The following CFAP54 variants were observed in gnomAD, a reference collection of about 807,000 sequenced individuals.
The protein encoded by CFAP54 is cilia and flagella associated protein 54.
A neutral mutation model predicts 370.4 loss-of-function variants in CFAP54; 290 were observed. The observed-to-expected ratio is 0.78, with a 90% CI of 0.71 to 0.86. CFAP54 has a LOEUF of 0.86. Ranked by LOEUF, CFAP54 falls within the 40% of genes least tolerant of loss-of-function variation. The pLI, the probability that CFAP54 is intolerant of heterozygous loss-of-function variation, is 0.00. For missense variants in CFAP54, 3,399 were observed against 3,528.7 expected (o/e 0.96, Z 0.93); for synonymous variants, 1,206 against 1,236.5 (o/e 0.98, Z 0.52).
At chr12:96,526,047 T>G (rs1955377132) in intron 8 of CFAP54, among the ~76,000 whole-genome samples, 1 of 152,124 alleles carries the variant, frequency 6.6e-6, no homozygotes, top group Non-Finnish European at 1.5e-5. Context: ...AGCTTATGAG[T>G]AGGGAAGCTA....
intron 12 of CFAP54, among the ~76,000 whole-genome samples, chr12:96,537,044 C>G (rs1379996176): frequency 6.6e-6 from 1 of 151,912 alleles, no homozygotes; most frequent in African/African-American, 2.4e-5. Context: ...TGTCGTATTC[C>G]CAAACATTGC....
chr12:96,765,574 T>TC (rs1381579182), intron 60 of CFAP54, among the ~76,000 whole-genome samples: 3 of 152,226 alleles, frequency 2.0e-5, no homozygotes, highest in Non-Finnish European at 4.4e-5. Context: ...CTGATATGCC[T>TC]CCCTCTTCTT....
intron 66 of CFAP54, among the ~76,000 whole-genome samples, chr12:96,852,754 C>A (rs543292656): frequency 6.6e-6 from 1 of 152,044 alleles, no homozygotes; most frequent in African/African-American, 2.4e-5. Flanking sequence ...CAACAAAGGA[C>A]CTGTTTCTAG....
At chr12:96,710,984 A>T (rs909550408) in intron 48 of CFAP54, among the ~76,000 whole-genome samples, 1 of 152,184 alleles carries the variant, frequency 6.6e-6, no homozygotes, top group Admixed American at 6.5e-5. Context: ...TGAAGAATTG[A>T]TATTAACTCT....
At position 96,616,572 on chromosome 12, in the gene CFAP54, C is replaced by T. The variant is rs1241652538; in HGVS notation, c.3640-5018C>T. ...CATGATGATTAAAACATTTTTATGA[C>T]AAGACACTGTAAGGAGAGCTCAAAG... On this transcript the variant is annotated intron_variant, in intron 26 of 67. Transcript: ENST00000524981. Among the ~76,000 whole-genome samples the T allele has an allele frequency of 4.6e-5, 7 of 152,038 alleles. No homozygotes were observed. The East Asian group carries it at 1.4e-3, about 29-fold the overall frequency.
At position 96,498,523 on chromosome 12, in the gene CFAP54, C is replaced by T. The variant is rs140991074; in HGVS notation, c.318-2311C>T. On this transcript the variant is annotated intron_variant, in intron 1 of 67. Coordinates refer to ENST00000524981, the MANE Select transcript of CFAP54 (RefSeq NM_001306084.2). Reference sequence around the variant, plus strand: ...CAAAAATTAGCTGGGCGTGGTGGTGCGTGCCTGTAGTCCCAGCTACTCGGG... The same window carrying T: ...CAAAAATTAGCTGGGCGTGGTGGTGTGTGCCTGTAGTCCCAGCTACTCGGG... Among the ~76,000 whole-genome samples, 43 of 152,112 alleles carry T rather than the reference C, an allele frequency of 2.8e-4. No individual in the cohort carries two copies. The East Asian group carries it at 8.3e-3, about 29-fold the overall frequency.
intron 65 of CFAP54, among the ~76,000 whole-genome samples, chr12:96,827,061 A>T (rs1398619854): frequency 1.4e-4 from 19 of 137,968 alleles, no homozygotes; most frequent in African/African-American, 2.4e-4. Flanking sequence ...ATGTGATTAT[A>T]TATAATATGC....
Position 96,829,573 on chromosome 12 carries a change from C to G in CFAP54, c.9171+485C>G, listed in dbSNP as rs116635812. On this transcript the variant is annotated intron_variant, in intron 66 of 67. Coordinates refer to ENST00000524981, the MANE Select transcript of CFAP54 (RefSeq NM_001306084.2). ...GTTGTGTCAGGTGCCATTTACATAG[C>G]TAGATCTTTATTGATGGGTTCTGCA... Among the ~76,000 whole-genome samples the G allele has an allele frequency of 4.6e-3, 700 of 152,086 alleles. 4 individuals are homozygous for G. The highest frequency in any genetic ancestry group is 0.016 in the African/African-American group (670 of 41,498).
At position 96,743,439 on chromosome 12, in the gene CFAP54, A is replaced by G; in HGVS notation, c.7257A>G (p.Glu2419=). 1 of 1,614,050 alleles carries G rather than the reference A, an allele frequency of 6.2e-7. No individual in the cohort carries two copies. Among genetic ancestry groups the G allele is most frequent in the Non-Finnish European group, 8.5e-7 (1 of 1,179,936 alleles). The change falls in exon 53 of 68, where the codon GAA becomes GAG. Residue 2419 remains glutamate, a synonymous_variant. Coordinates refer to ENST00000524981, the MANE Select transcript of CFAP54 (RefSeq NM_001306084.2). ...CAGATTGCCTGAGCCTCATCAATGA[A>G]GTGTGTATGGAGGCAAAAAGCGCAG... The part of the protein sequence containing the change: ...DMTDCLSLIN[E]VCMEAKSAGD...
intron 58 of CFAP54, 30 bp downstream of exon 58, chr12:96,757,618 G>A (rs773643531): frequency 2.2e-6 from 3 of 1,344,616 alleles, no homozygotes; most frequent in Non-Finnish European, 3.1e-6. Flanking sequence ...GAAATTATGA[G>A]TTAATTGCCT....
Position 96,576,741 on chromosome 12 carries a change from C to G in CFAP54, c.2776C>G (p.Pro926Ala). ...TTGTTCTGTGACACTCAAACCTGCT[C>G]CATTTACTTCAGAGGTTAAGGTATG... ...THCSVTLKPA[P>A]FTSEVKVSWY... is the part of the protein sequence containing the mutation. The change falls in exon 20 of 68, where the codon CCA becomes GCA. Residue 926 changes from proline to alanine, a missense_variant. Physicochemically the swap from Pro to Ala is conservative, Grantham distance 27 (BLOSUM62 -1). Around this residue, in one of 3 missense-constraint regions of CFAP54, gnomAD observed 2,796 missense variants for 2,869.7 expected, o/e 0.97. Coordinates refer to ENST00000524981, the MANE Select transcript of CFAP54 (RefSeq NM_001306084.2). 2 of 1,534,960 alleles carry G rather than the reference C, an allele frequency of 1.3e-6. No homozygotes were observed. Among genetic ancestry groups the G allele is most frequent in the Non-Finnish European group, 1.7e-6 (2 of 1,146,418 alleles).
chr12:96,560,191 C>T (rs549221763), intron 17 of CFAP54, among the ~76,000 whole-genome samples: 1 of 152,292 alleles, frequency 6.6e-6, no homozygotes, highest in East Asian at 1.9e-4. Context: ...TATAGCCACC[C>T]TATTGTCCTG....
intron 38 of CFAP54, among the ~76,000 whole-genome samples, chr12:96,663,383 A>T (rs529312495): frequency 1.3e-5 from 2 of 152,262 alleles, no homozygotes; most frequent in East Asian, 3.9e-4. Flanking sequence ...TTATCTTAGG[A>T]CTCATATCTG....
chr12:96,647,775 G>A, intron 33 of CFAP54, 100 bp from the exon 34 acceptor site: 4 of 1,058,480 alleles, frequency 3.8e-6, no homozygotes, highest in Admixed American at 3.6e-5. Context: ...AAATTTGGGA[G>A]TACTCACAAA....
intron 56 of CFAP54, among the ~76,000 whole-genome samples, chr12:96,755,180 G>T (rs949603874): frequency 6.6e-6 from 1 of 152,052 alleles, no homozygotes; most frequent in African/African-American, 2.4e-5. Context: ...TTAGGTTTGT[G>T]ATTTTTCTAA....
chr12:96,636,443 ACT>A (rs1956665174), intron 32 of CFAP54, among the ~76,000 whole-genome samples: 1 of 151,892 alleles, frequency 6.6e-6, no homozygotes, highest in East Asian at 1.9e-4. Flanking sequence ...TTAACTTTTG[ACT>A]CTCTGCTATA....
chr12:96,693,594 A>C (rs934018426), intron 44 of CFAP54, 128 bp from the exon 45 acceptor site: 1 of 581,872 alleles, frequency 1.7e-6, no homozygotes, highest in East Asian at 3.0e-5. Context: ...TCAACAGTAT[A>C]GTTTCCTAGC....
chr12:96,806,082 G>C (rs1330749326), intron 63 of CFAP54, among the ~76,000 whole-genome samples: 1 of 142,852 alleles, frequency 7.0e-6, no homozygotes, highest in Admixed American at 7.3e-5. Context: ...GGTAAGGGTT[G>C]AAAAATTACC....
In CFAP54 at chr12:96,494,972, G is replaced by A. The variant is rs186501236; in HGVS notation, c.317+5046G>A. 3.6e-3 allele frequency among the ~76,000 whole-genome samples: 551 copies of A among 152,198 alleles called. 1 individual carries two copies. Among genetic ancestry groups the A allele is most frequent in the Non-Finnish European group, 6.4e-3 (434 of 68,018 alleles). On this transcript the variant is annotated intron_variant, in intron 1 of 67. Transcript: ENST00000524981. Reference sequence around the variant, plus strand: ...GATATCTTGACCTCGTGATCCGACCGCTTTGGCCTCCCAAAGTATTGGGAT... The same window carrying A: ...GATATCTTGACCTCGTGATCCGACCACTTTGGCCTCCCAAAGTATTGGGAT...
Sources: allele counts gnomAD v4.1 joint callset (sites outside exome capture counted in the v4.1 genomes callset), GRCh38; gene constraint gnomAD v4.1.1; regional missense constraint gnomAD v4.1.1; transcripts MANE v1.5; gene names NCBI Gene and HGNC (gene_info 2026-07-23, HGNC 2026-07-21).